The following NT5DC3 variants were observed in gnomAD, a reference collection of about 807,000 sequenced individuals.
NT5DC3 encodes the protein 5'-nucleotidase domain-containing protein 3.
In NT5DC3, 42 loss-of-function variants were observed where a neutral mutation model predicts 67.8. That is an observed-to-expected ratio of 0.62 (90% CI 0.48 to 0.80). NT5DC3 has a LOEUF of 0.80. Among genes scored for constraint, NT5DC3 ranks in the 30% least tolerant of loss-of-function variants. The probability of loss-of-function intolerance (pLI) is 0.00; values close to 1 mark genes in which losing one functional copy is unlikely to be tolerated. For synonymous variants in NT5DC3, 237 were observed against 255.6 expected, an observed-to-expected ratio of 0.93 and a Z score of 0.69; for missense variants, 570 against 696.4, an observed-to-expected ratio of 0.82 and a Z score of 2.04.
chr12:103,796,963 G>C lies in NT5DC3; in HGVS notation c.684C>G (p.Ser228=), dbSNP rs1430851434. ...IFSLPEMTLL[S]CVNEYFLKNN... is the part of the protein sequence containing the mutation. ...TCTTGAGGAAGTATTCATTCACGCAGGACAGGAGGGTCATCTCGGGCAGGG... is the reference window on the plus strand; with the variant it reads ...TCTTGAGGAAGTATTCATTCACGCACGACAGGAGGGTCATCTCGGGCAGGG... The change falls in exon 6 of 14, where the codon TCC becomes TCG. Residue 228 remains serine (S), a synonymous_variant. Transcript: ENST00000392876. The C allele has an allele frequency of 2.5e-6, 4 of 1,614,084 alleles. No homozygotes were observed. The East Asian group carries it at 8.9e-5, about 36-fold the overall frequency.
downstream of NT5DC3, among the ~76,000 whole-genome samples, chr12:103,768,292 T>C (rs1593370305): frequency 7.0e-6 from 1 of 143,598 alleles, no homozygotes; most frequent in African/African-American, 2.6e-5. Flanking sequence ...AAAATTAGCC[T>C]GGCGTGGTGG....
chr12:103,762,547 A>G, the NT5DC3 span: 250 of 1,236,180 alleles, frequency 2.0e-4, 2 homozygotes, highest in Admixed American at 5.3e-3. Flanking sequence ...CACCCACCCC[A>G]CGCTTACTGC....
intron 4 of NT5DC3, among the ~76,000 whole-genome samples, chr12:103,800,436 C>CTCTA (rs1886518339): frequency 1.3e-5 from 2 of 152,242 alleles, no homozygotes; most frequent in African/African-American, 4.8e-5. Context: ...ACTGCTAAGG[C>CTCTA]TCTAACACTG....
rs186624375 is a variant in NT5DC3, at chr12:103,830,685, T to C, written c.208+10264A>G. ...TCCACTAAACTTTTAATTTTAAAGATTGAAACTTTAATTTCTAAAATTTCT... is the reference window on the plus strand; with the variant it reads ...TCCACTAAACTTTTAATTTTAAAGACTGAAACTTTAATTTCTAAAATTTCT... On this transcript the variant is annotated intron_variant, in intron 1 of 13. Coordinates refer to ENST00000392876, the MANE Select transcript of NT5DC3 (RefSeq NM_001031701.3). Among the ~76,000 whole-genome samples the C allele has an allele frequency of 5.3e-5, 8 of 152,262 alleles. No homozygotes were observed. The South Asian group carries it at 1.4e-3, about 28-fold the overall frequency.
the NT5DC3 span, among the ~76,000 whole-genome samples, chr12:103,761,026 A>G: frequency 6.6e-6 from 1 of 152,112 alleles, no homozygotes; most frequent in African/African-American, 2.4e-5. Flanking sequence ...GATCTGGGTC[A>G]GGCCACTTTC....
the NT5DC3 span, chr12:103,749,100 G>A: frequency 5.0e-6 from 8 of 1,613,794 alleles, no homozygotes; most frequent in East Asian, 8.9e-5. Context: ...AGACCCCTGT[G>A]CAGACGGCCT....
At chr12:103,824,621 G>A (rs1341769517) in intron 1 of NT5DC3, among the ~76,000 whole-genome samples, 3 of 152,084 alleles carry the variant, frequency 2.0e-5, no homozygotes, top group Non-Finnish European at 2.9e-5. Flanking sequence ...TTATTGAGGT[G>A]CAATATAATA....
Position 103,785,443 on chromosome 12 carries a change from A to T in NT5DC3, c.1221T>A (p.Gly407=). 1 of 1,614,080 alleles carries T rather than the reference A, an allele frequency of 6.2e-7. No individual in the cohort carries two copies. Among genetic ancestry groups the T allele is most frequent in the Non-Finnish European group, 8.5e-7 (1 of 1,179,942 alleles). The change falls in exon 12 of 14, where the codon GGT becomes GGA. Residue 407 remains glycine, a synonymous_variant. Coordinates refer to ENST00000392876, the MANE Select transcript of NT5DC3 (RefSeq NM_001031701.3). ...DLTLKHGWRT[G]AIIPELRSEL... is the part of the protein sequence containing the mutation. ...CAGATCTCAACTCTGGGATGATTGCACCAGTCCTCCAGCCATGCTTTAGGG... is the reference window on the plus strand; with the variant it reads ...CAGATCTCAACTCTGGGATGATTGCTCCAGTCCTCCAGCCATGCTTTAGGG...
intron 1 of NT5DC3, among the ~76,000 whole-genome samples, chr12:103,829,986 G>C (rs1005112994): frequency 6.6e-6 from 1 of 152,058 alleles, no homozygotes; most frequent in Non-Finnish European, 1.5e-5. Flanking sequence ...GTGATCTACT[G>C]TCTTGAATGG....
At chr12:103,760,291 C>T in the NT5DC3 span, among the ~76,000 whole-genome samples, 23 of 152,262 alleles carry the variant, frequency 1.5e-4, no homozygotes, top group Non-Finnish European at 2.6e-4. Context: ...GACAGTCTCT[C>T]GCTCTGTCAC....
chr12:103,794,865 A>G (rs1886244279), intron 6 of NT5DC3, among the ~76,000 whole-genome samples: 1 of 152,252 alleles, frequency 6.6e-6, no homozygotes, highest in African/African-American at 2.4e-5. Flanking sequence ...TTGTGGGTTC[A>G]GGAGTATGGC....
chr12:103,819,263 C>T (rs925471605), intron 1 of NT5DC3, among the ~76,000 whole-genome samples: 1 of 152,150 alleles, frequency 6.6e-6, no homozygotes, highest in Admixed American at 6.5e-5. Flanking sequence ...CTTGGCACCC[C>T]GTGCAAACTT....
At chr12:103,814,811 C>CG (rs1204919617) in intron 2 of NT5DC3, 126 bp downstream of exon 2, 1 of 647,666 alleles carries the variant, frequency 1.5e-6, no homozygotes, top group African/African-American at 1.9e-5. Flanking sequence ...GGAACAAAAT[C>CG]TACTTATTCA....
chr12:103,754,431 A>G, the NT5DC3 span, among the ~76,000 whole-genome samples: 2 of 152,026 alleles, frequency 1.3e-5, no homozygotes, highest in Non-Finnish European at 2.9e-5. Flanking sequence ...AATTTTCTCA[A>G]TTGTATAAGG....
intron 2 of NT5DC3, among the ~76,000 whole-genome samples, chr12:103,813,056 C>T (rs1887102575): frequency 6.6e-6 from 1 of 152,250 alleles, no homozygotes; most frequent in Non-Finnish European, 1.5e-5. Context: ...GCCTTAGAAC[C>T]TGTGCTTTCA....
intron 11 of NT5DC3, 50 bp from the exon 12 acceptor site, chr12:103,785,525 A>G (rs971965355): frequency 1.3e-6 from 2 of 1,588,748 alleles, no homozygotes; most frequent in Non-Finnish European, 8.6e-7. Context: ...CAGAATCTAA[A>G]CTATGTCATT....
chr12:103,838,710 A>G (rs1045118788), intron 1 of NT5DC3, among the ~76,000 whole-genome samples: 3 of 152,180 alleles, frequency 2.0e-5, no homozygotes, highest in East Asian at 1.9e-4. Context: ...ATGGTTCAAT[A>G]GAGTTAATCT....
chr12:103,822,310 T>C (rs893164567), intron 1 of NT5DC3, among the ~76,000 whole-genome samples: 4 of 152,132 alleles, frequency 2.6e-5, no homozygotes, highest in Admixed American at 2.6e-4. Context: ...GTGAGTATAT[T>C]AGACCAAAAA....
intron 1 of NT5DC3, among the ~76,000 whole-genome samples, chr12:103,840,433 T>C (rs1053833610): frequency 1.8e-3 from 220 of 123,626 alleles, no homozygotes; most frequent in African/African-American, 4.8e-3. Flanking sequence ...TCCATCCCAT[T>C]CCATCCCATC....
Sources: allele counts gnomAD v4.1 joint callset (sites outside exome capture counted in the v4.1 genomes callset), GRCh38; gene constraint gnomAD v4.1.1; transcripts MANE v1.5; gene names NCBI Gene and HGNC (gene_info 2026-07-23, HGNC 2026-07-21).